Variants in RNF170 observed in about 807,000 individuals in gnomAD.
RNF170 encodes the protein E3 ubiquitin-protein ligase RNF170.
A neutral mutation model predicts 32.7 loss-of-function variants in RNF170; 12 were observed. The ratio of observed to expected loss-of-function variants is 0.37; its 90% CI spans 0.24 to 0.60. The LOEUF is 0.60. Among genes scored for constraint, RNF170 ranks in the 20% least tolerant of loss-of-function variants. The pLI is 0.72. For synonymous variants in RNF170, 91 were observed against 103.6 expected, an observed-to-expected ratio of 0.88 and a Z score of 0.74; for missense variants, 212 against 311.2, an observed-to-expected ratio of 0.68 and a Z score of 2.40.
chr8:42,894,925 G>A (rs1806641640), intron 1 of RNF170, among the ~76,000 whole-genome samples: 1 of 151,864 alleles, frequency 6.6e-6, no homozygotes, highest in Non-Finnish European at 1.5e-5. Flanking sequence ...AGACCATTGA[G>A]AATACTTCAG....
intron 1 of RNF170, 25 bp downstream of exon 1, chr8:42,896,459 C>T (rs1302922503): frequency 2.2e-6 from 1 of 453,734 alleles, no homozygotes; most frequent in East Asian, 7.0e-5. Flanking sequence ...ATAGGGTGGG[C>T]GTGGCCGCCG....
chr8:42,880,319 T>C (rs1422137159), intron 2 of RNF170, among the ~76,000 whole-genome samples: 2 of 152,216 alleles, frequency 1.3e-5, no homozygotes, highest in Non-Finnish European at 1.5e-5. Context: ...ACGAAGTTGA[T>C]AGAGCAGAAG....
chr8:42,893,085 A>C (rs914515870), intron 1 of RNF170, among the ~76,000 whole-genome samples: 5 of 152,100 alleles, frequency 3.3e-5, no homozygotes, highest in Non-Finnish European at 7.4e-5. Context: ...CATCTATAAA[A>C]ATTAAAAATA....
chr8:42,896,609 T>TGCGGGC (rs767323571), upstream of RNF170: 7 of 453,360 alleles, frequency 1.5e-5, no homozygotes, highest in South Asian at 3.1e-5. Context: ...GGAGTGCGGG[T>TGCGGGC]GCGGGCGCAC....
chr8:42,853,883 G>A lies in RNF170; in HGVS notation c.*2276C>T. 3.1e-6 allele frequency: 4 copies of A among 1,286,732 alleles called. No individual in the cohort carries two copies. Among genetic ancestry groups the A allele is most frequent in the Non-Finnish European group, 4.0e-6 (4 of 988,358 alleles). The allele number at this position is 1,286,732 out of a possible 1,614,324, so 79.7% of individuals were successfully genotyped here. A position where few individuals can be genotyped will look rare whatever the true frequency, so the allele number is the denominator to read the frequency against. On this transcript the variant is annotated 3_prime_UTR_variant, in exon 7 of 7. Coordinates refer to ENST00000527424, the MANE Select transcript of RNF170 (RefSeq NM_030954.4). Reference sequence around the variant, plus strand: ...AATTTGGTACAATACACCTCTTTCAGGAAAGTCTTAGTAGTAACTCCAAAT... The same window carrying A: ...AATTTGGTACAATACACCTCTTTCAAGAAAGTCTTAGTAGTAACTCCAAAT...
At chr8:42,876,618 T>C (rs750909524) in intron 2 of RNF170, among the ~76,000 whole-genome samples, 35 of 151,966 alleles carry the variant, frequency 2.3e-4, no homozygotes, top group Non-Finnish European at 7.4e-5. Context: ...ATGTTTATTG[T>C]TTAAGCCACC....
intron 1 of RNF170, among the ~76,000 whole-genome samples, chr8:42,888,699 A>C (rs1806041669): frequency 6.6e-6 from 1 of 152,114 alleles, no homozygotes; most frequent in South Asian, 2.1e-4. Context: ...CAGAGGTTGT[A>C]GTGAGGCCCA....
intron 6 of RNF170, among the ~76,000 whole-genome samples, chr8:42,857,657 C>G (rs1173455462): frequency 6.6e-6 from 1 of 152,098 alleles, no homozygotes; most frequent in South Asian, 2.1e-4. Flanking sequence ...CATCACATAC[C>G]AGGCTTTCTT....
At chr8:42,867,825 C>T (rs1804231309) in intron 4 of RNF170, among the ~76,000 whole-genome samples, 2 of 145,066 alleles carry the variant, frequency 1.4e-5, no homozygotes, top group Non-Finnish European at 3.0e-5. Flanking sequence ...AAAAGGAGTG[C>T]AGAGAAGTAT....
At chr8:42,894,787 A>T (rs559396239) in intron 1 of RNF170, among the ~76,000 whole-genome samples, 2 of 152,078 alleles carry the variant, frequency 1.3e-5, no homozygotes, top group Non-Finnish European at 2.9e-5. Context: ...ATCTCTTGAC[A>T]TCGTGATCCG....
At chr8:42,852,576 CCTGG>C (rs1802968394), downstream of RNF170, among the ~76,000 whole-genome samples, 3 of 152,140 alleles carry the variant, frequency 2.0e-5, no homozygotes, top group African/African-American at 7.2e-5. Flanking sequence ...TGCCACCACA[CCTGG>C]CTAATTTTTG....
chr8:42,863,782 G>A (rs923776906), intron 5 of RNF170, among the ~76,000 whole-genome samples: 1 of 152,148 alleles, frequency 6.6e-6, no homozygotes, highest in Non-Finnish European at 1.5e-5. Flanking sequence ...CATCAAATCA[G>A]CCAGAGAGGC....
In RNF170 at chr8:42,854,241, G is replaced by A. The variant is rs1041775942; in HGVS notation, c.*1918C>T. On this transcript the variant is annotated 3_prime_UTR_variant, in exon 7 of 7. Coordinates refer to ENST00000527424, the MANE Select transcript of RNF170 (RefSeq NM_030954.4). Reference sequence around the variant, plus strand: ...CTCTGATGGAGGTATAATGTAGCACGAAAGACTTCCAAAGAACCAGTTTCT... The same window carrying A: ...CTCTGATGGAGGTATAATGTAGCACAAAAGACTTCCAAAGAACCAGTTTCT... 40 of 1,287,036 alleles carry A rather than the reference G, an allele frequency of 3.1e-5. No homozygotes were observed. Among genetic ancestry groups the A allele is most frequent in the East Asian group, 5.5e-5 (1 of 18,030 alleles). The allele number at this position is 1,287,036 out of a possible 1,614,324, so 79.7% of individuals were successfully genotyped here. A position where few individuals can be genotyped will look rare whatever the true frequency, so the allele number is the denominator to read the frequency against.
intron 1 of RNF170, among the ~76,000 whole-genome samples, chr8:42,891,986 T>C (rs866979787): frequency 6.6e-6 from 1 of 152,190 alleles, no homozygotes; most frequent in Non-Finnish European, 1.5e-5. Flanking sequence ...TCTCTCGATA[T>C]GCAAACTGAG....
At chr8:42,884,674 C>T (rs1805664915) in intron 2 of RNF170, among the ~76,000 whole-genome samples, 1 of 151,706 alleles carries the variant, frequency 6.6e-6, no homozygotes, top group African/African-American at 2.4e-5. Flanking sequence ...TCAGCATCTA[C>T]AATATACAAT....
chr8:42,888,349 C>T (rs1240469786), intron 1 of RNF170, among the ~76,000 whole-genome samples: 3 of 151,962 alleles, frequency 2.0e-5, no homozygotes, highest in Non-Finnish European at 1.5e-5. Flanking sequence ...CAGGCATGAG[C>T]CACTGCACCC....
upstream of RNF170, chr8:42,896,608 G>T (rs1372602192): frequency 1.5e-5 from 7 of 453,642 alleles, no homozygotes; most frequent in South Asian, 1.1e-4. Context: ...TGGAGTGCGG[G>T]TGCGGGCGCA....
intron 4 of RNF170, among the ~76,000 whole-genome samples, chr8:42,868,220 C>A (rs897532031): frequency 3.9e-5 from 6 of 152,302 alleles, no homozygotes; most frequent in African/African-American, 1.4e-4. Flanking sequence ...GTACAGGAAA[C>A]CCTGCCATTA....
At chr8:42,876,902 G>A (rs887599628) in intron 2 of RNF170, among the ~76,000 whole-genome samples, 3 of 150,470 alleles carry the variant, frequency 2.0e-5, no homozygotes, top group Admixed American at 1.3e-4. Context: ...TGATCTGCCC[G>A]CCTTGGACTC....
Sources: allele counts gnomAD v4.1 joint callset (sites outside exome capture counted in the v4.1 genomes callset), GRCh38; gene constraint gnomAD v4.1.1; transcripts MANE v1.5; gene names NCBI Gene and HGNC (gene_info 2026-07-23, HGNC 2026-07-21).